Variants in NKAIN2 observed in about 807,000 individuals in gnomAD.
NKAIN2 encodes sodium/potassium transporting ATPase interacting 2.
NKAIN2 carries 14 observed loss-of-function variants against 32.6 expected under a neutral mutation model. The ratio of observed to expected loss-of-function variants is 0.43; its 90% CI spans 0.28 to 0.67. The LOEUF is 0.67. Ranked by LOEUF, NKAIN2 falls within the 30% of genes least tolerant of loss-of-function variation. The probability of loss-of-function intolerance (pLI) is 0.17; values close to 1 mark genes in which losing one functional copy is unlikely to be tolerated. For missense variants in NKAIN2, 198 were observed against 258.3 expected (o/e 0.77, Z 1.60); for synonymous variants, 80 against 87.2 (o/e 0.92, Z 0.46).
chr6:124,163,293 A>T (rs1788369102), intron 1 of NKAIN2, among the ~76,000 whole-genome samples: 1 of 151,994 alleles, frequency 6.6e-6, no homozygotes, highest in Non-Finnish European at 1.5e-5. Context: ...ATTATAAGGA[A>T]CAGTCCTACT....
In NKAIN2 at chr6:123,832,268, G is replaced by A. The variant is rs562144404; in HGVS notation, c.54+28014G>A. 3.0e-4 allele frequency among the ~76,000 whole-genome samples: 46 copies of A among 152,198 alleles called. 1 individual carries two copies. The highest frequency in any genetic ancestry group is 2.1e-3 in the South Asian group (10 of 4,826). ...ATTGGCTTCTTTCACTTAATAATAC[G>A]CATTTAAAGTTCCTTCATGTCTTTT... On this transcript the variant is annotated intron_variant, in intron 1 of 6. Coordinates refer to ENST00000368417, the MANE Select transcript of NKAIN2 (RefSeq NM_001040214.3).
chr6:124,289,567 C>T (rs903480677), intron 2 of NKAIN2, among the ~76,000 whole-genome samples: 3 of 152,048 alleles, frequency 2.0e-5, no homozygotes, highest in African/African-American at 7.2e-5. Flanking sequence ...AGTAAAGAAT[C>T]GCATACTCAA....
intron 3 of NKAIN2, among the ~76,000 whole-genome samples, chr6:124,400,045 C>T (rs942742867): frequency 6.6e-6 from 1 of 151,906 alleles, no homozygotes; most frequent in African/African-American, 2.4e-5. Flanking sequence ...TCACCAGAGC[C>T]ATTATATTTT....
At chr6:123,821,296 A>G (rs1773913209) in intron 1 of NKAIN2, among the ~76,000 whole-genome samples, 2 of 152,200 alleles carry the variant, frequency 1.3e-5, no homozygotes, top group South Asian at 4.1e-4. Context: ...GTCTCTCACT[A>G]TTTTAGATCA....
At chr6:124,140,091 A>G (rs1656275623) in intron 1 of NKAIN2, among the ~76,000 whole-genome samples, 2 of 152,156 alleles carry the variant, frequency 1.3e-5, no homozygotes, top group Admixed American at 1.3e-4. Context: ...CAGTACTGAA[A>G]CTCTTTAAAC....
intron 1 of NKAIN2, among the ~76,000 whole-genome samples, chr6:124,232,341 A>G (rs1792503480): frequency 6.6e-6 from 1 of 152,198 alleles, no homozygotes; most frequent in Non-Finnish European, 1.5e-5. Context: ...AGTGAATGAA[A>G]CAGTAATTAG....
At chr6:124,396,110 A>G (rs1773366235) in intron 3 of NKAIN2, among the ~76,000 whole-genome samples, 2 of 152,086 alleles carry the variant, frequency 1.3e-5, no homozygotes, top group Admixed American at 1.3e-4. Flanking sequence ...GGGAGAAGGC[A>G]CTACTGGTTT....
At chr6:124,434,596 T>C (rs1279811407) in intron 3 of NKAIN2, among the ~76,000 whole-genome samples, 1 of 152,204 alleles carries the variant, frequency 6.6e-6, no homozygotes, top group Non-Finnish European at 1.5e-5. Context: ...TGCTAGATAT[T>C]TTGTTTGTCT....
intron 4 of NKAIN2, among the ~76,000 whole-genome samples, chr6:124,679,452 G>T (rs1300778519): frequency 6.6e-6 from 1 of 152,158 alleles, no homozygotes; most frequent in Non-Finnish European, 1.5e-5. Context: ...AAGAAGCCAG[G>T]AGCTGGAGGT....
chr6:124,019,074 TC>T (rs762815850), intron 1 of NKAIN2, among the ~76,000 whole-genome samples: 4 of 152,040 alleles, frequency 2.6e-5, no homozygotes, highest in Non-Finnish European at 4.4e-5. Context: ...GAAGGAGAAC[TC>T]CCCTTTATAA....
intron 1 of NKAIN2, among the ~76,000 whole-genome samples, chr6:123,995,959 AT>A (rs1196315221): frequency 5.9e-5 from 9 of 152,116 alleles, no homozygotes. Flanking sequence ...AAATAAATTT[AT>A]TTTGATTTTT....
At chr6:124,509,544 C>A (rs1778629541) in intron 3 of NKAIN2, among the ~76,000 whole-genome samples, 1 of 152,192 alleles carries the variant, frequency 6.6e-6, no homozygotes. Flanking sequence ...ACAACACTTG[C>A]ATCTGTGAAC....
intron 3 of NKAIN2, among the ~76,000 whole-genome samples, chr6:124,412,984 G>C (rs1288788922): frequency 1.3e-5 from 2 of 152,194 alleles, no homozygotes; most frequent in Admixed American, 6.5e-5. Context: ...AGGTGCAGGA[G>C]ATAATCTCCT....
chr6:123,994,200 A>ATTT (rs11440144), intron 1 of NKAIN2, among the ~76,000 whole-genome samples: 77 of 144,154 alleles, frequency 5.3e-4, no homozygotes, highest in East Asian at 1.6e-3. Context: ...AGAAACTAGG[A>ATTT]TTTTTTTTTT....
intron 3 of NKAIN2, among the ~76,000 whole-genome samples, chr6:124,402,223 A>G (rs1773654821): frequency 6.6e-6 from 1 of 152,156 alleles, no homozygotes; most frequent in South Asian, 2.1e-4. Context: ...ACCTGGACCT[A>G]AAAGATTTAT....
At position 124,476,097 on chromosome 6, in the gene NKAIN2, T is replaced by TGC. The variant is rs1554213850; in HGVS notation, c.273+120752_273+120753dup. Among the ~76,000 whole-genome samples, 418 of 128,562 alleles carry TGC rather than the reference T, an allele frequency of 3.3e-3. 3 individuals carry two copies. The highest frequency in any genetic ancestry group is 9.6e-3 in the African/African-American group (355 of 36,908). The allele number at this position is 128,562 out of a possible 152,430, so 84.3% of individuals were successfully genotyped here. On this transcript the variant is annotated intron_variant, in intron 3 of 6. Transcript: ENST00000368417. ...GTGTGTGTGTGTGTGTGTGTGTGTG[T>TGC]GCGTGCGCGCGCGCATGCATGTAAA...
At chr6:123,837,164 T>G (rs1774663223) in intron 1 of NKAIN2, among the ~76,000 whole-genome samples, 3 of 152,166 alleles carry the variant, frequency 2.0e-5, no homozygotes, top group African/African-American at 7.2e-5. Context: ...GTATGGTTGG[T>G]ATTTTATATA....
intron 1 of NKAIN2, among the ~76,000 whole-genome samples, chr6:123,968,375 C>T (rs1170297234): frequency 6.6e-6 from 1 of 152,064 alleles, no homozygotes; most frequent in Non-Finnish European, 1.5e-5. Flanking sequence ...CTGAAGAGGA[C>T]AATTTAAAAA....
chr6:124,144,105 AGATT>A lies in NKAIN2; in HGVS notation c.55-138896_55-138893del, dbSNP rs1412428130. 2.0e-5 allele frequency among the ~76,000 whole-genome samples: 3 copies of A among 152,342 alleles called. No homozygotes were observed. In the East Asian group the frequency reaches 5.8e-4, roughly 29 times the overall value. Reference sequence around the variant, plus strand: ...TATTATAAAGATGTTAATTATCCACAGATTGATCTACAAATTTATTGTAATTCTA... The same window carrying A: ...TATTATAAAGATGTTAATTATCCACAGATCTACAAATTTATTGTAATTCTA... On this transcript the variant is annotated intron_variant, in intron 1 of 6. Transcript: ENST00000368417.
Sources: gnomAD v4.1 joint callset for allele counts (sites outside exome capture counted in the v4.1 genomes callset) on GRCh38, gnomAD v4.1.1 for gene constraint, MANE v1.5 for transcripts, NCBI Gene and HGNC (gene_info 2026-07-23, HGNC 2026-07-21) for gene names.